The following ARMC3 variants were observed in gnomAD, a reference collection of about 807,000 sequenced individuals.
ARMC3 encodes the protein armadillo repeat-containing protein 3.
A neutral mutation model predicts 90.3 loss-of-function variants in ARMC3; 74 were observed. The ratio of observed to expected loss-of-function variants is 0.82; its 90% CI spans 0.68 to 0.99. ARMC3 has a LOEUF of 0.99. Among genes scored for constraint, ARMC3 ranks in the 50% least tolerant of loss-of-function variants. The probability of loss-of-function intolerance (pLI) is 0.00; values close to 1 mark genes in which losing one functional copy is unlikely to be tolerated. For missense variants in ARMC3, 958 were observed against 1,042.8 expected (o/e 0.92, Z 1.12); for synonymous variants, 334 against 361.8 (o/e 0.92, Z 0.87).
intron 10 of ARMC3, among the ~76,000 whole-genome samples, chr10:22,986,536 AG>A (rs1462478111): frequency 4.8e-5 from 7 of 145,452 alleles, no homozygotes; most frequent in African/African-American, 1.5e-4. Flanking sequence ...TGGGCAACAG[AG>A]TGAGACTCCA....
At chr10:22,983,963 A>G (rs139380497) in intron 10 of ARMC3, among the ~76,000 whole-genome samples, 38 of 152,268 alleles carry the variant, frequency 2.5e-4, no homozygotes, top group African/African-American at 4.1e-4. Context: ...GGTCCATTCA[A>G]TCATTTCCCC....
At chr10:22,973,757 T>C (rs945532477) in intron 8 of ARMC3, among the ~76,000 whole-genome samples, 11 of 134,442 alleles carry the variant, frequency 8.2e-5, no homozygotes, top group African/African-American at 8.5e-5. Context: ...GTCTTTCTTT[T>C]TTTTTTTTTT....
chr10:22,976,785 G>A (rs1326830965), intron 8 of ARMC3, among the ~76,000 whole-genome samples: 1 of 152,182 alleles, frequency 6.6e-6, no homozygotes, highest in African/African-American at 2.4e-5. Flanking sequence ...CCACTTTGGG[G>A]AGTGTTAAGT....
Position 23,006,816 on chromosome 10 carries a change from A to G in ARMC3, c.1732-68A>G, listed in dbSNP as rs895084895. On this transcript the variant is annotated intron_variant, in intron 13 of 18. Coordinates refer to ENST00000298032, the MANE Select transcript of ARMC3 (RefSeq NM_173081.5). ...CCGCAAACAGCTGAGAATATATTCTATCTGTATTCATTTTCGAAAATATGA... is the reference window on the plus strand; with the variant it reads ...CCGCAAACAGCTGAGAATATATTCTGTCTGTATTCATTTTCGAAAATATGA... 41 of 1,227,282 alleles carry G rather than the reference A, an allele frequency of 3.3e-5. No individual in the cohort carries two copies. The African/African-American group carries it at 5.4e-4, about 16-fold the overall frequency. The allele number at this position is 1,227,282 out of a possible 1,614,324, so 76.0% of individuals were successfully genotyped here.
intron 18 of ARMC3, among the ~76,000 whole-genome samples, chr10:23,036,434 A>G (rs972223312): frequency 2.6e-5 from 4 of 152,210 alleles, no homozygotes; most frequent in African/African-American, 9.7e-5. Flanking sequence ...GCTATGTAGT[A>G]TTAACTGAGT....
At position 23,030,707 on chromosome 10, in the gene ARMC3, T is replaced by G. The variant is rs912888434; in HGVS notation, c.2157T>G (p.Ser719=). ...GSSDKEWCPP[S]DPDFSMYVYE... is the part of the protein sequence containing the mutation. ...CTGACAAAGAATGGTGTCCTCCCTC[T>G]GACCCTGATTTCTCTATGTATGTGT... is the stretch of plus-strand genomic sequence containing the variant. The change falls in exon 17 of 19, where the codon TCT becomes TCG. Residue 719 remains serine (S), a synonymous_variant. Coordinates refer to ENST00000298032, the MANE Select transcript of ARMC3 (RefSeq NM_173081.5). 4.3e-6 allele frequency: 7 copies of G among 1,613,954 alleles called. No homozygotes were observed. The highest frequency in any genetic ancestry group is 1.3e-5 in the African/African-American group (1 of 75,056).
chr10:23,002,191 G>T, intron 12 of ARMC3, 136 bp downstream of exon 12: 1 of 1,307,116 alleles, frequency 7.7e-7, no homozygotes, highest in Non-Finnish European at 1.0e-6. Context: ...TGTCCCCAGG[G>T]CGGGCCTTGG....
chr10:22,963,158 C>T (rs995154923), intron 7 of ARMC3, among the ~76,000 whole-genome samples: 2 of 152,264 alleles, frequency 1.3e-5, no homozygotes, highest in South Asian at 4.1e-4. Context: ...GAAGCACCTA[C>T]TAGGTGGCAG....
Position 22,998,371 on chromosome 10 carries a change from G to C in ARMC3, c.1399G>C (p.Ala467Pro). The C allele has an allele frequency of 6.2e-7, 1 of 1,614,158 alleles. No individual in the cohort carries two copies. The highest frequency in any genetic ancestry group is 8.5e-7 in the Non-Finnish European group (1 of 1,180,018). Reference protein sequence around the residue: ...SKAALAVTATACDVEARTELR... With the variant: ...SKAALAVTATPCDVEARTELR... ...AGCTGCTCTCGCTGTCACCGCAACT[G>C]CGTGTGACGTTGAAGCCCGGACTGA... The change falls in exon 11 of 19, where the codon GCG becomes CCG. Residue 467 changes from alanine to proline, a missense_variant. Ala to Pro is a conservative substitution (Grantham distance 27, BLOSUM62 -1). Transcript: ENST00000298032.
chr10:23,016,147 A>G (rs1838261233), intron 16 of ARMC3, among the ~76,000 whole-genome samples: 1 of 152,170 alleles, frequency 6.6e-6, no homozygotes, highest in African/African-American at 2.4e-5. Context: ...GAACTCCTGG[A>G]GACTTTCACA....
In ARMC3 at chr10:23,004,932, G is replaced by C. The variant is rs116542495; in HGVS notation, c.1731+1518G>C. Among the ~76,000 whole-genome samples the C allele has an allele frequency of 8.4e-4, 128 of 152,204 alleles. 1 individual carries two copies. The highest frequency in any genetic ancestry group is 2.3e-3 in the Admixed American group (35 of 15,286). On this transcript the variant is annotated intron_variant, in intron 13 of 18. Transcript: ENST00000298032. Reference sequence around the variant, plus strand: ...AAAGCTGTTTTAAGAAAACCAAGAGGGGGGCCGGGCGTGGTGGCTCACGCC... The same window carrying C: ...AAAGCTGTTTTAAGAAAACCAAGAGCGGGGCCGGGCGTGGTGGCTCACGCC...
chr10:23,008,732 CT>C, intron 15 of ARMC3, 82 bp from the exon 16 acceptor site: 1 of 1,146,644 alleles, frequency 8.7e-7, no homozygotes, highest in Non-Finnish European at 1.3e-6. Context: ...GTAAAAATGC[CT>C]TGTAAGCTCT....
At chr10:22,997,963 A>G (rs1837073767) in intron 10 of ARMC3, among the ~76,000 whole-genome samples, 185 bp from the exon 11 acceptor site, 3 of 152,248 alleles carry the variant, frequency 2.0e-5, no homozygotes, top group Admixed American at 2.0e-4. Context: ...ATTCATTCAT[A>G]GCTCAAAATT....
chr10:23,003,028 TC>T (rs1258103235), intron 12 of ARMC3, among the ~76,000 whole-genome samples: 1 of 152,216 alleles, frequency 6.6e-6, no homozygotes, highest in Non-Finnish European at 1.5e-5. Flanking sequence ...AGCATCCTTT[TC>T]CCCTGTTTGA....
intron 8 of ARMC3, among the ~76,000 whole-genome samples, chr10:22,973,333 T>A (rs906493374): frequency 2.1e-5 from 3 of 143,726 alleles, no homozygotes; most frequent in Admixed American, 6.9e-5. Context: ...ATAATAATAA[T>A]AAATCCTAAC....
At chr10:22,995,097 G>GCTAT (rs1191192727) in intron 10 of ARMC3, among the ~76,000 whole-genome samples, 4 of 152,150 alleles carry the variant, frequency 2.6e-5, no homozygotes, top group African/African-American at 7.2e-5. Flanking sequence ...TTTGGATAAT[G>GCTAT]CTATACTATT....
intron 16 of ARMC3, among the ~76,000 whole-genome samples, chr10:23,023,414 T>C (rs1246146060): frequency 1.3e-5 from 2 of 152,046 alleles, no homozygotes; most frequent in Admixed American, 6.6e-5. Flanking sequence ...CCCAATATAA[T>C]AGACAACATA....
At chr10:23,024,537 T>C (rs868145771) in intron 16 of ARMC3, among the ~76,000 whole-genome samples, 1 of 152,202 alleles carries the variant, frequency 6.6e-6, no homozygotes, top group Non-Finnish European at 1.5e-5. Context: ...CAATGATATT[T>C]TAAAGTAAAG....
At chr10:22,951,853 G>A (rs1834751048) in intron 3 of ARMC3, among the ~76,000 whole-genome samples, 1 of 152,092 alleles carries the variant, frequency 6.6e-6, no homozygotes, top group African/African-American at 2.4e-5. Context: ...GAACAAGGCT[G>A]GGCACAGTGG....
Sources: allele counts gnomAD v4.1 joint callset (sites outside exome capture counted in the v4.1 genomes callset), GRCh38; gene constraint gnomAD v4.1.1; transcripts MANE v1.5; gene names NCBI Gene and HGNC (gene_info 2026-07-23, HGNC 2026-07-21).